The following ACYP2 variants were observed in gnomAD, a reference collection of about 807,000 sequenced individuals.
The protein encoded by ACYP2 is acylphosphatase-2.
Under a neutral mutation model 11.2 loss-of-function variants are expected in ACYP2, and 12 were observed. The ratio of observed to expected loss-of-function variants is 1.08; its 90% CI spans 0.69 to 1.74. The LOEUF (loss-of-function observed/expected upper bound fraction) is 1.74. ACYP2 is among the 40% of genes most tolerant of loss of function. ACYP2 has a pLI of 0.00. For missense variants in ACYP2, 134 were observed against 101.9 expected, an observed-to-expected ratio of 1.31 and a Z score of -1.35; for synonymous variants, 43 against 32.2, an observed-to-expected ratio of 1.33 and a Z score of -1.13.
chr2:54,079,555 C>T (rs1434172438), intron 4 of ACYP2, among the ~76,000 whole-genome samples: 1 of 152,154 alleles, frequency 6.6e-6, no homozygotes, highest in Non-Finnish European at 1.5e-5. Flanking sequence ...TCCATTGTCA[C>T]TGTCAAAAAG....
chr2:54,006,159 T>G (rs140881029), intron 2 of ACYP2, among the ~76,000 whole-genome samples: 250 of 152,224 alleles, frequency 1.6e-3, no homozygotes, highest in African/African-American at 5.8e-3. Context: ...TTTCTAATTT[T>G]TTTTTGAGAC....
intron 2 of ACYP2, among the ~76,000 whole-genome samples, chr2:53,985,597 C>T (rs1211569112): frequency 6.6e-6 from 1 of 152,160 alleles, no homozygotes; most frequent in African/African-American, 2.4e-5. Context: ...AACATATCAA[C>T]AGTATAATGG....
chr2:54,271,596 A>G (rs1043672394), intron 6 of ACYP2, among the ~76,000 whole-genome samples: 6 of 151,928 alleles, frequency 3.9e-5, no homozygotes, highest in African/African-American at 1.2e-4. Flanking sequence ...CAAATTATCC[A>G]TACAAACCCT....
chr2:54,210,141 C>CAAAA, intron 6 of ACYP2, among the ~76,000 whole-genome samples: 2 of 70,994 alleles, frequency 2.8e-5, no homozygotes, highest in East Asian at 3.6e-4. Context: ...GACTGTGTCT[C>CAAAA]AAAAAAAAAA....
intron 6 of ACYP2, among the ~76,000 whole-genome samples, chr2:54,303,685 A>G (rs1249510302): frequency 6.6e-6 from 1 of 152,230 alleles, no homozygotes; most frequent in Non-Finnish European, 1.5e-5. Context: ...CTAACCTAGA[A>G]AATATTTTAA....
chr2:54,246,734 G>T (rs1686972218), intron 6 of ACYP2, among the ~76,000 whole-genome samples: 1 of 152,194 alleles, frequency 6.6e-6, no homozygotes, highest in Admixed American at 6.5e-5. Flanking sequence ...TATCTAGGAT[G>T]TTAAGTAATG....
chr2:54,165,709 A>G (rs1682939609), intron 6 of ACYP2, among the ~76,000 whole-genome samples: 1 of 152,126 alleles, frequency 6.6e-6, no homozygotes, highest in African/African-American at 2.4e-5. Context: ...TAGACTGGAG[A>G]GGAGACTGGG....
At chr2:54,091,910 G>A (rs959382220) in intron 4 of ACYP2, among the ~76,000 whole-genome samples, 8 of 152,170 alleles carry the variant, frequency 5.3e-5, no homozygotes, top group Non-Finnish European at 8.8e-5. Flanking sequence ...GGTGGGAGGA[G>A]TACGAGCAAG....
intron 6 of ACYP2, among the ~76,000 whole-genome samples, chr2:54,286,532 T>C (rs1444473522): frequency 6.6e-6 from 1 of 152,054 alleles, no homozygotes; most frequent in African/African-American, 2.4e-5. Context: ...TAGTCATCTA[T>C]GTCTATCAGA....
chr2:54,200,852 T>C (rs576749643), intron 6 of ACYP2, among the ~76,000 whole-genome samples: 4 of 144,858 alleles, frequency 2.8e-5, no homozygotes, highest in Admixed American at 2.7e-4. Context: ...AAAGTGTCTG[T>C]TTCATTTTGC....
At position 54,293,940 on chromosome 2, in the gene ACYP2, G is replaced by A. The variant is rs7584265; in HGVS notation, c.405-10748G>A. Among the ~76,000 whole-genome samples, 8 of 152,308 alleles carry A rather than the reference G, an allele frequency of 5.3e-5. No individual in the cohort carries two copies. In the East Asian group the frequency reaches 1.5e-3, roughly 29 times the overall value. ...TTAAAGAAAGGAGAATGGCAAAAAT[G>A]TTATATATTATCCTTCCATTATTAA... is the stretch of plus-strand genomic sequence containing the variant. On this transcript the variant is annotated intron_variant, in intron 6 of 6. Coordinates refer to ENST00000607452, the MANE Select transcript of ACYP2 (RefSeq NM_001320586.2).
At chr2:54,068,251 G>A (rs1572684541) in intron 4 of ACYP2, among the ~76,000 whole-genome samples, 1 of 152,144 alleles carries the variant, frequency 6.6e-6, no homozygotes, top group East Asian at 1.9e-4. Flanking sequence ...TCCATTTGTT[G>A]TACGCACTCT....
At chr2:54,102,406 T>A (rs967412061) in intron 4 of ACYP2, among the ~76,000 whole-genome samples, 2 of 152,080 alleles carry the variant, frequency 1.3e-5, no homozygotes, top group Non-Finnish European at 2.9e-5. Context: ...TCAGGGTTGA[T>A]TGATTCAAGA....
At chr2:54,253,615 T>C (rs1687340819) in intron 6 of ACYP2, 1 of 152,234 alleles carries the variant, frequency 6.6e-6, no homozygotes, top group South Asian at 2.1e-4. Context: ...CCATCATAAC[T>C]AGTCAACCCA....
At chr2:54,081,993 C>T (rs1169859087) in intron 4 of ACYP2, among the ~76,000 whole-genome samples, 1 of 152,184 alleles carries the variant, frequency 6.6e-6, no homozygotes, top group Non-Finnish European at 1.5e-5. Flanking sequence ...GCCTAAGACA[C>T]AAGTATTTTT....
intron 6 of ACYP2, among the ~76,000 whole-genome samples, chr2:54,209,494 C>A (rs1685234308): frequency 6.6e-6 from 1 of 152,130 alleles, no homozygotes; most frequent in African/African-American, 2.4e-5. Context: ...CTTAAAATAA[C>A]AATATTAAGA....
At chr2:54,289,263 A>G (rs538572110) in intron 6 of ACYP2, among the ~76,000 whole-genome samples, 2 of 152,024 alleles carry the variant, frequency 1.3e-5, no homozygotes, top group South Asian at 4.1e-4. Flanking sequence ...CAACTTGGAT[A>G]TATTGATGAC....
chr2:54,115,792 T>G (rs1572787529), intron 4 of ACYP2, 36 bp downstream of exon 1: 5 of 1,560,032 alleles, frequency 3.2e-6, no homozygotes, highest in Non-Finnish European at 4.3e-6. Flanking sequence ...ATCAAAAAGG[T>G]TATGGGAGGA....
At chr2:54,203,798 A>AC (rs916164963) in intron 6 of ACYP2, among the ~76,000 whole-genome samples, 18 of 133,390 alleles carry the variant, frequency 1.3e-4, no homozygotes, top group Middle Eastern at 4.0e-3. Flanking sequence ...CTCTTCTAAT[A>AC]CCCCCTTTTT....
Sources: gnomAD v4.1 joint callset for allele counts (sites outside exome capture counted in the v4.1 genomes callset) on GRCh38, gnomAD v4.1.1 for gene constraint, MANE v1.5 for transcripts, NCBI Gene and HGNC (gene_info 2026-07-23, HGNC 2026-07-21) for gene names.